Variants in EPB41L4A observed in about 807,000 individuals in gnomAD.
EPB41L4A encodes band 4.1-like protein 4A.
EPB41L4A carries 100 observed loss-of-function variants against 108.6 expected under a neutral mutation model. That is an observed-to-expected ratio of 0.92 (90% CI 0.78 to 1.09). EPB41L4A has a LOEUF of 1.09. Ranked by LOEUF, EPB41L4A falls within the 50% of genes least tolerant of loss-of-function variation. EPB41L4A has a pLI of 0.00. For synonymous variants in EPB41L4A, 319 were observed against 289.0 expected (o/e 1.10, Z -1.05); for missense variants, 1,030 against 842.7 (o/e 1.22, Z -2.75).
chr5:112,155,046 T>C (rs1023772807), intron 12 of EPB41L4A, among the ~76,000 whole-genome samples: 1 of 152,032 alleles, frequency 6.6e-6, no homozygotes, highest in Non-Finnish European at 1.5e-5. Context: ...TTAAGGAAAC[T>C]GAAATCAGTA....
chr5:112,388,953 A>G (rs1760745382), intron 1 of EPB41L4A, among the ~76,000 whole-genome samples: 2 of 152,144 alleles, frequency 1.3e-5, no homozygotes. Context: ...TACACACTTA[A>G]GAGTAAATTA....
At chr5:112,250,009 AT>A in intron 9 of EPB41L4A, among the ~76,000 whole-genome samples, 1 of 133,876 alleles carries the variant, frequency 7.5e-6, no homozygotes, top group Non-Finnish European at 1.7e-5. Context: ...CCCTCTACAT[AT>A]AGATACACAC....
chr5:112,192,844 C>T (rs550934030), intron 17 of EPB41L4A, among the ~76,000 whole-genome samples: 1 of 152,092 alleles, frequency 6.6e-6, no homozygotes, highest in African/African-American at 2.4e-5. Context: ...CTTATGGGCA[C>T]AATTTAGAAT....
chr5:112,316,142 A>T (rs1755415767), intron 1 of EPB41L4A, among the ~76,000 whole-genome samples: 1 of 152,238 alleles, frequency 6.6e-6, no homozygotes, highest in Admixed American at 6.5e-5. Flanking sequence ...TGGAGCTTTC[A>T]ACCAGAACAA....
chr5:112,307,859 C>A (rs1754797075), intron 1 of EPB41L4A, among the ~76,000 whole-genome samples: 1 of 152,020 alleles, frequency 6.6e-6, no homozygotes. Flanking sequence ...TCCCACCATT[C>A]CCTCATTTTA....
intron 2 of EPB41L4A, among the ~76,000 whole-genome samples, chr5:112,282,209 T>C (rs1407701559): frequency 6.6e-6 from 1 of 152,034 alleles, no homozygotes; most frequent in African/African-American, 2.4e-5. Flanking sequence ...TCAAGTAGAG[T>C]AAAATCAATC....
chr5:112,320,690 T>G lies in EPB41L4A; in HGVS notation c.100-13200A>C, dbSNP rs140459806. On this transcript the variant is annotated intron_variant, in intron 1 of 22. Coordinates refer to ENST00000261486, the MANE Select transcript of EPB41L4A (RefSeq NM_022140.5). ...TCATTATTTATTTCCACTGACGTAT[T>G]TAAGACAGAGGTCACAAACAGAAGC... is the stretch of plus-strand genomic sequence containing the variant. Among the ~76,000 whole-genome samples, 30 of 152,300 alleles carry G rather than the reference T, an allele frequency of 2.0e-4. No individual in the cohort carries two copies. The East Asian group carries it at 3.3e-3, about 17-fold the overall frequency.
At chr5:112,337,848 C>G (rs987174629) in intron 1 of EPB41L4A, among the ~76,000 whole-genome samples, 3 of 152,092 alleles carry the variant, frequency 2.0e-5, no homozygotes, top group African/African-American at 7.2e-5. Flanking sequence ...CAGATGGAAG[C>G]CTTTGGGCCA....
intron 1 of EPB41L4A, among the ~76,000 whole-genome samples, chr5:112,392,401 CAAAA>C (rs56256606): frequency 1.4e-4 from 5 of 35,922 alleles, no homozygotes; most frequent in Admixed American, 4.0e-4. Context: ...AAATGGAAAG[CAAAA>C]AAAAAAAAAA....
At chr5:112,187,402 A>G (rs773650840) in intron 17 of EPB41L4A, among the ~76,000 whole-genome samples, 4 of 152,232 alleles carry the variant, frequency 2.6e-5, no homozygotes, top group Non-Finnish European at 5.9e-5. Context: ...GGGTTGCTTT[A>G]GAATACAGCA....
At chr5:112,249,631 G>C (rs1279655728) in intron 9 of EPB41L4A, 4 of 152,082 alleles carry the variant, frequency 2.6e-5, no homozygotes, top group African/African-American at 4.8e-5. Flanking sequence ...AATGAATTTA[G>C]GGTGAGTCCT....
rs967620722 is a variant in EPB41L4A at position 112,353,390 on chromosome 5, T to C, written c.100-45900A>G. On this transcript the variant is annotated intron_variant, in intron 1 of 22. Coordinates refer to ENST00000261486, the MANE Select transcript of EPB41L4A (RefSeq NM_022140.5). ...CGGGCTGAGCAGGCCCTCAGGGCAC[T>C]GGGCAGCGTGCATGACATGGACAAT... 6.6e-5 allele frequency among the ~76,000 whole-genome samples: 10 copies of C among 152,228 alleles called. 2 individuals carry two copies. The highest frequency in any genetic ancestry group is 1.3e-4 in the Admixed American group (2 of 15,286).
upstream of EPB41L4A, chr5:112,419,820 G>A (rs1762986145): frequency 2.2e-6 from 1 of 456,766 alleles, no homozygotes; most frequent in South Asian, 1.5e-5. Context: ...GGACTCCCGA[G>A]CTCATTACGG....
chr5:112,146,009 A>C (rs1580316139), intron 12 of EPB41L4A: 2 of 455,862 alleles, frequency 4.4e-6, no homozygotes, highest in African/African-American at 4.0e-5. Flanking sequence ...CTGTTAAAGA[A>C]AAAAGTTTGC....
upstream of EPB41L4A, chr5:112,419,534 C>T: frequency 7.1e-6 from 3 of 421,358 alleles, no homozygotes; most frequent in South Asian, 5.2e-5. Context: ...CCTGCGGAGT[C>T]CCCCGCGGGC....
At chr5:112,402,209 C>A (rs1162400815) in intron 1 of EPB41L4A, among the ~76,000 whole-genome samples, 1 of 152,162 alleles carries the variant, frequency 6.6e-6, no homozygotes, top group Admixed American at 6.5e-5. Flanking sequence ...GCACCTCCTC[C>A]TTTTCCTCCT....
At position 112,417,521 on chromosome 5, in the gene EPB41L4A, G is replaced by T. The variant is rs76917559; in HGVS notation, c.99+1420C>A. 5.7e-3 allele frequency among the ~76,000 whole-genome samples: 865 copies of T among 152,256 alleles called. 8 individuals are homozygous for T. The highest frequency in any genetic ancestry group is 0.019 in the African/African-American group (801 of 41,528). On this transcript the variant is annotated intron_variant, in intron 1 of 22. Coordinates refer to ENST00000261486, the MANE Select transcript of EPB41L4A (RefSeq NM_022140.5). ...GATTTTTGCCTATTTTATTCATACA[G>T]TACACCAAAGAATGTTACATCATCT... is the stretch of plus-strand genomic sequence containing the variant.
chr5:112,402,580 A>C (rs1434257481), intron 1 of EPB41L4A, among the ~76,000 whole-genome samples: 1 of 152,208 alleles, frequency 6.6e-6, no homozygotes, highest in Non-Finnish European at 1.5e-5. Context: ...AAACAAAAAA[A>C]AGAAAAAGCG....
At chr5:112,187,855 T>C (rs1389640009) in intron 17 of EPB41L4A, among the ~76,000 whole-genome samples, 2 of 152,180 alleles carry the variant, frequency 1.3e-5, no homozygotes, top group African/African-American at 2.4e-5. Context: ...TTCAAGATGA[T>C]ACAAGCCATA....
Sources: gnomAD v4.1 joint callset for allele counts (sites outside exome capture counted in the v4.1 genomes callset) on GRCh38, gnomAD v4.1.1 for gene constraint, MANE v1.5 for transcripts, NCBI Gene and HGNC (gene_info 2026-07-23, HGNC 2026-07-21) for gene names.